The following RAPH1 variants were observed in gnomAD, a reference collection of about 807,000 sequenced individuals.
RAPH1 encodes ras-associated and pleckstrin homology domains-containing protein 1.
RAPH1 carries 18 observed loss-of-function variants against 88.1 expected under a neutral mutation model. That is an observed-to-expected ratio of 0.20 (90% CI 0.14 to 0.30). The LOEUF (loss-of-function observed/expected upper bound fraction) is 0.30, where lower values mean the gene tolerates loss of function less well. RAPH1 is among the 10% of genes least tolerant of loss of function. The pLI is 1.00. For synonymous variants in RAPH1, 587 were observed against 559.0 expected (o/e 1.05, Z -0.71); for missense variants, 1,448 against 1,543.2 (o/e 0.94, Z 1.03).
chr2:203,450,829 T>C (rs1418254447), intron 10 of RAPH1, among the ~76,000 whole-genome samples: 3 of 151,966 alleles, frequency 2.0e-5, no homozygotes, highest in African/African-American at 7.3e-5. Flanking sequence ...CTTGACTGCA[T>C]AGGTGTTCAA....
chr2:203,527,800 C>CAAAAAAAAAAAA, intron 1 of RAPH1, among the ~76,000 whole-genome samples: 1 of 51,232 alleles, frequency 2.0e-5, no homozygotes, highest in Non-Finnish European at 4.4e-5. Flanking sequence ...AACTCCATCT[C>CAAAAAAAAAAAA]AAAAAAAAAA....
chr2:203,515,567 A>G (rs1253770657), intron 1 of RAPH1, among the ~76,000 whole-genome samples: 1 of 152,210 alleles, frequency 6.6e-6, no homozygotes, highest in Non-Finnish European at 1.5e-5. Context: ...AAGAAAATGA[A>G]CTTCATTCTG....
At position 203,448,859 on chromosome 2, in the gene RAPH1, CAACT is replaced by C; in HGVS notation, c.1414-27_1414-24del. 1 of 1,511,708 alleles carries C rather than the reference CAACT, an allele frequency of 6.6e-7. No homozygotes were observed. The highest frequency in any genetic ancestry group is 9.1e-7 in the Non-Finnish European group (1 of 1,097,244). 93.6% of individuals were successfully genotyped at this position (1,511,708 alleles called of 1,614,324 possible). Reference sequence around the variant, plus strand: ...ATGCTGCAAGATTAAAGACAAAATCCAACTAAGTCCCTTGGAGAACTAAAGAAAA... The same window carrying C: ...ATGCTGCAAGATTAAAGACAAAATCCAAGTCCCTTGGAGAACTAAAGAAAA... On this transcript the variant is annotated intron_variant, in intron 10 of 13. Transcript: ENST00000319170. This position sits in a 1 kb window ranked among gnomAD's most constrained non-coding sequence, Gnocchi z 4.1.
intron 10 of RAPH1, among the ~76,000 whole-genome samples, chr2:203,453,683 T>C (rs1205019136): frequency 1.3e-5 from 2 of 150,968 alleles, no homozygotes; most frequent in South Asian, 4.2e-4. Context: ...GTGACAATTC[T>C]CAGAGAAAAG....
At chr2:203,457,869 C>G (rs1277554520) in intron 7 of RAPH1, among the ~76,000 whole-genome samples, 1 of 152,190 alleles carries the variant, frequency 6.6e-6, no homozygotes, top group Non-Finnish European at 1.5e-5. Flanking sequence ...TTACATTCAA[C>G]AGCTGGCAAA....
At chr2:203,518,092 A>G (rs933217663) in intron 1 of RAPH1, among the ~76,000 whole-genome samples, 1 of 152,148 alleles carries the variant, frequency 6.6e-6, no homozygotes, top group Non-Finnish European at 1.5e-5. Context: ...AATTAAATTT[A>G]AAAAATCAAT....
chr2:203,521,460 T>G (rs1251211935), intron 1 of RAPH1, among the ~76,000 whole-genome samples: 3 of 152,152 alleles, frequency 2.0e-5, no homozygotes, highest in Non-Finnish European at 4.4e-5. Context: ...ATGTATTAAA[T>G]GGACTAAAAC....
At chr2:203,465,057 A>G (rs942306970) in intron 4 of RAPH1, among the ~76,000 whole-genome samples, 1 of 152,250 alleles carries the variant, frequency 6.6e-6, no homozygotes, top group African/African-American at 2.4e-5. Context: ...AAAATGGTAC[A>G]GTCACTTTGG....
At chr2:203,469,481 C>T (rs2098531280) in intron 4 of RAPH1, among the ~76,000 whole-genome samples, 2 of 152,112 alleles carry the variant, frequency 1.3e-5, no homozygotes, top group Non-Finnish European at 2.9e-5. Context: ...GCAAACAAAC[C>T]TCAGATACAA....
intron 12 of RAPH1, chr2:203,445,815 T>TAATA (rs2098509008): frequency 6.6e-6 from 1 of 152,188 alleles, no homozygotes; most frequent in Non-Finnish European, 1.5e-5. Flanking sequence ...TTCCCCATTT[T>TAATA]AATAAATATT....
chr2:203,502,472 C>G (rs1464221044), intron 1 of RAPH1, among the ~76,000 whole-genome samples: 1 of 152,266 alleles, frequency 6.6e-6, no homozygotes, highest in East Asian at 1.9e-4. Flanking sequence ...ACTATTTTAA[C>G]AGTTGGTAGA....
At chr2:203,489,329 T>A (rs1300547333) in intron 4 of RAPH1, among the ~76,000 whole-genome samples, 1 of 152,028 alleles carries the variant, frequency 6.6e-6, no homozygotes, top group African/African-American at 2.4e-5. Context: ...CATATTACAA[T>A]AAAAAATGCC....
intron 4 of RAPH1, among the ~76,000 whole-genome samples, chr2:203,474,344 T>C (rs765307915): frequency 1.3e-5 from 2 of 152,208 alleles, no homozygotes; most frequent in African/African-American, 2.4e-5. Flanking sequence ...CATGGTACAA[T>C]GTCAGTAACA....
chr2:203,435,106 TTTTA>T lies in RAPH1; in HGVS notation c.*4327_*4330del, dbSNP rs2098497370. The T allele has an allele frequency of 6.6e-6, 1 of 152,608 alleles. No homozygotes were observed. The highest frequency in any genetic ancestry group is 2.1e-4 in the South Asian group (1 of 4,834). The allele number at this position is 152,608 out of a possible 1,614,324, so 9.5% of individuals were successfully genotyped here. A position where few individuals can be genotyped will look rare whatever the true frequency, so the allele number is the denominator to read the frequency against. On this transcript the variant is annotated 3_prime_UTR_variant, in exon 14 of 14. Coordinates refer to ENST00000319170, the MANE Select transcript of RAPH1 (RefSeq NM_213589.3). Reference sequence around the variant, plus strand: ...AACTGGAGAAATGTATGTTTTTTCTTTTTATTTATCAAGTTTTATTCTACAGCTA... The same window carrying T: ...AACTGGAGAAATGTATGTTTTTTCTTTTTATCAAGTTTTATTCTACAGCTA...
intron 1 of RAPH1, among the ~76,000 whole-genome samples, chr2:203,504,670 TA>T (rs566237475): frequency 0.047 from 6,604 of 140,694 alleles, 347 homozygotes; most frequent in African/African-American, 0.14. Context: ...GAATTTCTCC[TA>T]AAAAAAAAAA....
intron 1 of RAPH1, among the ~76,000 whole-genome samples, chr2:203,497,920 A>ATTTT (rs1688587413): frequency 6.6e-6 from 1 of 152,340 alleles, no homozygotes; most frequent in East Asian, 1.9e-4. Context: ...TGTTACTGAA[A>ATTTT]AGAAAAACCT....
At chr2:203,516,053 G>C (rs572268432) in intron 1 of RAPH1, among the ~76,000 whole-genome samples, 1 of 152,126 alleles carries the variant, frequency 6.6e-6, no homozygotes, top group East Asian at 1.9e-4. Context: ...CTTATGTATA[G>C]ATAATATATA....
At chr2:203,480,986 A>T (rs1027281178) in intron 4 of RAPH1, among the ~76,000 whole-genome samples, 7 of 152,306 alleles carry the variant, frequency 4.6e-5, no homozygotes, top group African/African-American at 1.7e-4. Flanking sequence ...AACGATTAAT[A>T]TTACTACGAA....
chr2:203,440,994 C>A lies in RAPH1; in HGVS notation c.2196G>T (p.Pro732=), dbSNP rs144371043. The A allele has an allele frequency of 8.4e-6, 11 of 1,301,854 alleles. No individual in the cohort carries two copies. The East Asian group carries it at 3.9e-4, about 47-fold the overall frequency. The allele number at this position is 1,301,854 out of a possible 1,614,324, so 80.6% of individuals were successfully genotyped here. A position where few individuals can be genotyped will look rare whatever the true frequency, so the allele number is the denominator to read the frequency against. ...TGAACTGTGGAAGGGATGGGGCACA[C>A]GGTGCAGGCTTTAGCTGGGCCATGG... ...GSAMAQLKPA[P]CAPSLPQFSA... Residue 732 remains proline (P), a synonymous_variant, in exon 14 of 14, where the codon CCG becomes CCT. Coordinates refer to ENST00000319170, the MANE Select transcript of RAPH1 (RefSeq NM_213589.3).
Sources: gnomAD v4.1 joint callset for allele counts (sites outside exome capture counted in the v4.1 genomes callset) on GRCh38, gnomAD v4.1.1 for gene constraint, Gnocchi (gnomAD v3.1) non-coding constraint, MANE v1.5 for transcripts, NCBI Gene and HGNC (gene_info 2026-07-23, HGNC 2026-07-21) for gene names.